Variants in SRFBP1 observed in about 807,000 individuals in gnomAD.
SRFBP1 encodes the protein serum response factor binding protein 1.
In SRFBP1, 47 loss-of-function variants were observed where a neutral mutation model predicts 45.5. The ratio of observed to expected loss-of-function variants is 1.03; its 90% confidence interval spans 0.82 to 1.32. SRFBP1 has a LOEUF of 1.32. SRFBP1 is among the 40% of genes most tolerant of loss of function. The pLI is 0.00. For missense variants in SRFBP1, 621 were observed against 484.6 expected (o/e 1.28, Z -2.64); for synonymous variants, 203 against 166.3 (o/e 1.22, Z -1.70).
chr5:122,004,655 C>G (rs1453665535), intron 4 of SRFBP1, among the ~76,000 whole-genome samples: 1 of 152,064 alleles, frequency 6.6e-6, no homozygotes, highest in Admixed American at 6.5e-5. Context: ...ACGTCTCTCT[C>G]ATCTGTTTCT....
chr5:122,064,258 C>G (rs547383975), intron 2 of SRFBP1: 4 of 151,924 alleles, frequency 2.6e-5, no homozygotes, highest in African/African-American at 9.6e-5. Flanking sequence ...CCTTCATCAA[C>G]TAATTATTAT....
At chr5:122,036,638 T>C (rs908371758) in intron 2 of SRFBP1, among the ~76,000 whole-genome samples, 2 of 152,188 alleles carry the variant, frequency 1.3e-5, no homozygotes, top group African/African-American at 4.8e-5. Context: ...TGATTGACCC[T>C]GTGTAAAAAC....
intron 3 of SRFBP1, among the ~76,000 whole-genome samples, chr5:121,976,720 A>AGT (rs536791489): frequency 1.1e-4 from 16 of 150,810 alleles, no homozygotes; most frequent in South Asian, 4.2e-4. Context: ...GAAAGAATGC[A>AGT]GTGTGTGTGT....
intron 4 of SRFBP1, among the ~76,000 whole-genome samples, chr5:122,003,821 A>G (rs949707718): frequency 1.3e-5 from 2 of 152,174 alleles, no homozygotes; most frequent in Non-Finnish European, 2.9e-5. Flanking sequence ...GTGATATTGA[A>G]CATTTTTTAT....
At chr5:122,034,509 T>G (rs1011258045) in intron 2 of SRFBP1, among the ~76,000 whole-genome samples, 1 of 152,106 alleles carries the variant, frequency 6.6e-6, no homozygotes, top group African/African-American at 2.4e-5. Flanking sequence ...AACTTTCACA[T>G]GTTGCTTAAA....
chr5:122,070,009 A>T, intron 2 of SRFBP1: 1 of 1,393,606 alleles, frequency 7.2e-7, no homozygotes, highest in Non-Finnish European at 1.0e-6. Context: ...ATGAACAAAA[A>T]TTATTTGTGA....
intron 2 of SRFBP1, among the ~76,000 whole-genome samples, chr5:122,059,938 C>T (rs937717359): frequency 6.6e-6 from 1 of 152,082 alleles, no homozygotes; most frequent in Non-Finnish European, 1.5e-5. Context: ...GAATGGTTCT[C>T]TCTTGCTCTT....
At chr5:121,994,418 TTC>T (rs1752676072) in intron 3 of SRFBP1, among the ~76,000 whole-genome samples, 179 bp from the exon 4 acceptor site, 1 of 152,062 alleles carries the variant, frequency 6.6e-6, no homozygotes, top group East Asian at 1.9e-4. Flanking sequence ...ATTACACTAA[TTC>T]ACATTCCGTT....
At chr5:121,980,222 G>A (rs1752381631) in intron 3 of SRFBP1, among the ~76,000 whole-genome samples, 1 of 151,904 alleles carries the variant, frequency 6.6e-6, no homozygotes, top group South Asian at 2.1e-4. Context: ...CCAACTTTTT[G>A]GAAAACCCTT....
chr5:121,982,914 A>C (rs188844075), intron 3 of SRFBP1, among the ~76,000 whole-genome samples: 8 of 151,942 alleles, frequency 5.3e-5, no homozygotes, highest in Admixed American at 1.3e-4. Context: ...ACCTTAGCCA[A>C]ACATTTCCTA....
intron 4 of SRFBP1, among the ~76,000 whole-genome samples, 170 bp downstream of exon 4, chr5:121,994,840 A>G (rs1168339335): frequency 6.6e-6 from 1 of 152,032 alleles, no homozygotes; most frequent in Non-Finnish European, 1.5e-5. Flanking sequence ...TAACATATAC[A>G]TTTTGTTTTG....
chr5:122,007,127 C>G (rs1486488043), intron 4 of SRFBP1, among the ~76,000 whole-genome samples: 3 of 152,092 alleles, frequency 2.0e-5, no homozygotes, highest in Non-Finnish European at 4.4e-5. Flanking sequence ...GGCAGGCTTG[C>G]TGCTGGAATC....
intron 2 of SRFBP1, among the ~76,000 whole-genome samples, chr5:122,047,910 T>C (rs958249628): frequency 3.9e-5 from 6 of 152,240 alleles, no homozygotes; most frequent in South Asian, 4.1e-4. Context: ...CCTGAGACTT[T>C]GCTGAAGTTG....
chr5:122,008,116 CT>C (rs1241547145), intron 4 of SRFBP1, among the ~76,000 whole-genome samples: 1 of 152,090 alleles, frequency 6.6e-6, no homozygotes, highest in African/African-American at 2.4e-5. Context: ...CTGACAGGGG[CT>C]GACCTAAATG....
At chr5:121,989,312 C>A (rs1752579104) in intron 3 of SRFBP1, among the ~76,000 whole-genome samples, 1 of 151,980 alleles carries the variant, frequency 6.6e-6, no homozygotes, top group South Asian at 2.1e-4. Flanking sequence ...GTGATCCGCC[C>A]ACCTCAGCCT....
intron 4 of SRFBP1, among the ~76,000 whole-genome samples, chr5:122,016,393 C>G (rs1014675421): frequency 6.6e-6 from 1 of 152,084 alleles, no homozygotes; most frequent in Non-Finnish European, 1.5e-5. Context: ...GTTGGAAATT[C>G]TTTTCCTTCA....
downstream of SRFBP1, among the ~76,000 whole-genome samples, chr5:122,033,424 T>TA (rs1475375687): frequency 2.0e-5 from 3 of 152,178 alleles, no homozygotes; most frequent in African/African-American, 7.2e-5. Context: ...AATCTTTCCT[T>TA]ACAACGGTTT....
intron 1 of SRFBP1, among the ~76,000 whole-genome samples, chr5:121,970,332 A>G (rs2914605): frequency 0.99 from 150,086 of 152,212 alleles, 74,029 homozygotes; most frequent in Middle Eastern, 1. Flanking sequence ...GACCAACTCT[A>G]CCCACTGCAG....
chr5:121,970,837 C>T (rs1047354102), intron 1 of SRFBP1, among the ~76,000 whole-genome samples: 2 of 152,080 alleles, frequency 1.3e-5, no homozygotes, highest in Non-Finnish European at 2.9e-5. Context: ...ACTTGATCAA[C>T]TTCACAGAAT....
Sources: gnomAD v4.1 joint callset for allele counts (sites outside exome capture counted in the v4.1 genomes callset) on GRCh38, gnomAD v4.1.1 for gene constraint, MANE v1.5 for transcripts, NCBI Gene and HGNC (gene_info 2026-07-23, HGNC 2026-07-21) for gene names.